Variants in CDH12 observed in about 807,000 individuals in gnomAD.
CDH12 encodes the protein cadherin-12.
Under a neutral mutation model 74.1 loss-of-function variants are expected in CDH12, and 41 were observed. That is an observed-to-expected ratio of 0.55 (90% confidence interval 0.43 to 0.72). The LOEUF is 0.72. Among genes scored for constraint, CDH12 ranks in the 30% least tolerant of loss-of-function variants. CDH12 has a pLI of 0.00. For missense variants in CDH12, 945 were observed against 977.2 expected, an observed-to-expected ratio of 0.97 and a Z score of 0.44; for synonymous variants, 399 against 355.0, an observed-to-expected ratio of 1.12 and a Z score of -1.39.
intron 7 of CDH12, among the ~76,000 whole-genome samples, chr5:21,842,690 C>T (rs1262678874): frequency 6.6e-6 from 1 of 152,008 alleles, no homozygotes; most frequent in Non-Finnish European, 1.5e-5. Context: ...AATATAAATA[C>T]AAAAAATGCG....
intron 5 of CDH12, among the ~76,000 whole-genome samples, chr5:22,037,409 A>G (rs929282050): frequency 6.6e-6 from 1 of 152,144 alleles, no homozygotes; most frequent in Non-Finnish European, 1.5e-5. Flanking sequence ...CGTGGCTTTT[A>G]AGACAGATGA....
intron 1 of CDH12, among the ~76,000 whole-genome samples, chr5:22,538,037 G>T (rs559024917): frequency 4.3e-4 from 66 of 152,224 alleles, no homozygotes; most frequent in African/African-American, 1.6e-3. Flanking sequence ...AGACCTAGCT[G>T]GTCTTTCCCA....
chr5:21,832,895 TCA>T (rs1488689915), intron 8 of CDH12, among the ~76,000 whole-genome samples: 24 of 83,170 alleles, frequency 2.9e-4, no homozygotes, highest in East Asian at 2.8e-3. Context: ...TTAATATATA[TCA>T]TATAATATAT....
intron 1 of CDH12, among the ~76,000 whole-genome samples, chr5:22,540,898 T>C (rs1738072556): frequency 6.6e-6 from 1 of 152,198 alleles, no homozygotes; most frequent in Non-Finnish European, 1.5e-5. Flanking sequence ...CAATTATTGG[T>C]AATGGCTCAA....
intron 6 of CDH12, among the ~76,000 whole-genome samples, chr5:21,884,863 T>C (rs1212876757): frequency 6.6e-6 from 1 of 152,176 alleles, no homozygotes; most frequent in African/African-American, 2.4e-5. Flanking sequence ...TAATAACTTA[T>C]TATAAAAGGC....
intron 5 of CDH12, among the ~76,000 whole-genome samples, chr5:22,046,265 A>G (rs1432573987): frequency 6.6e-6 from 1 of 152,176 alleles, no homozygotes; most frequent in African/African-American, 2.4e-5. Context: ...TTTGTTTTAC[A>G]GCACATGAAA....
chr5:22,076,394 TA>T (rs1268967959), intron 5 of CDH12, among the ~76,000 whole-genome samples: 1 of 152,146 alleles, frequency 6.6e-6, no homozygotes, highest in East Asian at 1.9e-4. Context: ...ATGTCAGTTT[TA>T]TTTTTTTAAC....
chr5:22,798,749 G>T (rs767873794), intron 1 of CDH12, among the ~76,000 whole-genome samples: 27 of 152,170 alleles, frequency 1.8e-4, no homozygotes, highest in Admixed American at 3.9e-4. Flanking sequence ...CCTTTATCAA[G>T]TAATTATAAG....
At chr5:22,525,989 C>T (rs539263615) in intron 1 of CDH12, among the ~76,000 whole-genome samples, 8 of 152,226 alleles carry the variant, frequency 5.3e-5, no homozygotes, top group Admixed American at 3.3e-4. Context: ...AACATCAATT[C>T]CAGTCTAAGT....
chr5:22,758,744 A>G (rs1392139716), intron 1 of CDH12, among the ~76,000 whole-genome samples: 1 of 152,204 alleles, frequency 6.6e-6, no homozygotes, highest in East Asian at 1.9e-4. Context: ...TCGTAGTGAC[A>G]AAAGTATGTT....
chr5:22,183,873 C>T lies in CDH12; in HGVS notation c.-187+28625G>A, dbSNP rs148574355. ...AAAGCAGTGATACAGTCAGAAATAT[C>T]CCCCCAAAGCAAGAGACTTGACAGT... On this transcript the variant is annotated intron_variant, in intron 4 of 14. Coordinates refer to ENST00000382254, the MANE Select transcript of CDH12 (RefSeq NM_004061.5). 5.3e-3 allele frequency among the ~76,000 whole-genome samples: 807 copies of T among 152,192 alleles called. 3 individuals are homozygous for T. The highest frequency in any genetic ancestry group is 9.6e-3 in the Non-Finnish European group (652 of 67,982).
At chr5:22,326,482 G>A (rs554052250) in intron 3 of CDH12, among the ~76,000 whole-genome samples, 3 of 152,232 alleles carry the variant, frequency 2.0e-5, no homozygotes, top group East Asian at 1.9e-4. Flanking sequence ...TGATCCGACC[G>A]CCTCGGCCTC....
chr5:22,184,191 T>C (rs2150340151), intron 4 of CDH12, among the ~76,000 whole-genome samples: 1 of 152,250 alleles, frequency 6.6e-6, no homozygotes, highest in Admixed American at 6.5e-5. Flanking sequence ...TAGAGAGGAC[T>C]AAGACAATAA....
intron 4 of CDH12, among the ~76,000 whole-genome samples, chr5:22,185,013 C>A (rs546527903): frequency 3.3e-4 from 50 of 152,254 alleles, no homozygotes; most frequent in African/African-American, 1.1e-3. Context: ...CCACCCTACC[C>A]TCTCTGAAAG....
intron 1 of CDH12, among the ~76,000 whole-genome samples, chr5:22,688,616 A>T (rs1252325194): frequency 7.9e-5 from 12 of 152,158 alleles, no homozygotes; most frequent in Non-Finnish European, 1.3e-4. Flanking sequence ...TACAAGTCAG[A>T]GGAGTGTGTA....
intron 1 of CDH12, among the ~76,000 whole-genome samples, chr5:22,510,387 AC>A (rs534594963): frequency 3.3e-4 from 50 of 152,318 alleles, no homozygotes; most frequent in East Asian, 1.2e-3. Context: ...TGGAAAAAAA[AC>A]GTATGTTATT....
chr5:22,718,539 T>A (rs985636029), intron 1 of CDH12, among the ~76,000 whole-genome samples: 3 of 152,188 alleles, frequency 2.0e-5, no homozygotes, highest in Non-Finnish European at 4.4e-5. Flanking sequence ...GGCCACTGGG[T>A]AAGATCCTTA....
rs147171949 is a variant in CDH12, at chr5:22,642,646, G to A, written c.-522-137282C>T. On this transcript the variant is annotated intron_variant, in intron 1 of 14. Transcript: ENST00000382254. ...GGGAGTTTAACAAAAATACATAGTC[G>A]ACAATTTGACCATTTTGTTATATTT... Among the ~76,000 whole-genome samples, 814 of 152,100 alleles carry A rather than the reference G, an allele frequency of 5.4e-3. 5 individuals carry two copies. Among genetic ancestry groups the A allele is most frequent in the Admixed American group, 7.3e-3 (112 of 15,266 alleles).
At chr5:22,147,780 T>C (rs950107147) in intron 4 of CDH12, among the ~76,000 whole-genome samples, 1 of 152,024 alleles carries the variant, frequency 6.6e-6, no homozygotes, top group African/African-American at 2.4e-5. Flanking sequence ...AAGAACAGTA[T>C]GGGGAAAACT....
Sources: allele counts gnomAD v4.1 joint callset (sites outside exome capture counted in the v4.1 genomes callset), GRCh38; gene constraint gnomAD v4.1.1; transcripts MANE v1.5; gene names NCBI Gene and HGNC (gene_info 2026-07-23, HGNC 2026-07-21).